ASB3: variants seen among roughly 807,000 people sequenced by gnomAD.
ASB3 encodes ankyrin repeat and SOCS box protein 3.
ASB3 carries 41 observed loss-of-function variants against 54.5 expected under a neutral mutation model. That is an observed-to-expected ratio of 0.75 (90% CI 0.59 to 0.98). The LOEUF is 0.98. Among genes scored for constraint, ASB3 ranks in the 50% least tolerant of loss-of-function variants. The pLI is 0.00. For missense variants in ASB3, 733 were observed against 620.0 expected (o/e 1.18, Z -1.94); for synonymous variants, 266 against 221.2 (o/e 1.20, Z -1.80).
intron 1 of ASB3, among the ~76,000 whole-genome samples, chr2:53,784,039 ATTT>A (rs1023391485): frequency 6.6e-6 from 1 of 152,240 alleles, no homozygotes; most frequent in Non-Finnish European, 1.5e-5. Context: ...AAATGAGTTT[ATTT>A]TAGCAAACAT....
chr2:53,744,001 C>T (rs1452612205), intron 3 of ASB3, among the ~76,000 whole-genome samples: 1 of 151,476 alleles, frequency 6.6e-6, no homozygotes, highest in Admixed American at 6.6e-5. Context: ...AGAGATCGCA[C>T]CACTGCACTC....
chr2:53,735,636 G>GA (rs201636132), intron 3 of ASB3, among the ~76,000 whole-genome samples: 1,630 of 140,560 alleles, frequency 0.012, 24 homozygotes, highest in African/African-American at 0.033. Context: ...TTAATAGTTG[G>GA]AAAAAAAAAA....
At chr2:53,690,579 A>T (rs1011870512) in intron 9 of ASB3, among the ~76,000 whole-genome samples, 3 of 152,080 alleles carry the variant, frequency 2.0e-5, no homozygotes, top group Non-Finnish European at 4.4e-5. Flanking sequence ...TATCTTATGA[A>T]CCCAGTCACC....
intron 9 of ASB3, among the ~76,000 whole-genome samples, chr2:53,678,058 G>T (rs1474846219): frequency 6.6e-6 from 1 of 151,818 alleles, no homozygotes; most frequent in Admixed American, 6.6e-5. Context: ...GTATGCTTAT[G>T]TTGATATACC....
At chr2:53,725,321 C>T (rs377132983) in intron 5 of ASB3, among the ~76,000 whole-genome samples, 1 of 152,130 alleles carries the variant, frequency 6.6e-6, no homozygotes, top group African/African-American at 2.4e-5. Flanking sequence ...GGCTGAAAAG[C>T]GAACTGTTGA....
At chr2:53,726,115 A>C (rs1670977110) in intron 5 of ASB3, among the ~76,000 whole-genome samples, 1 of 152,178 alleles carries the variant, frequency 6.6e-6, no homozygotes, top group Non-Finnish European at 1.5e-5. Flanking sequence ...ATACCTTTTC[A>C]ACTGATTATT....
chr2:53,767,725 G>GA, intron 1 of ASB3: 1 of 806,164 alleles, frequency 1.2e-6, no homozygotes, highest in African/African-American at 1.7e-5. Context: ...GATCCGCTCG[G>GA]AAAATCTTTC....
At chr2:53,758,502 G>A (rs1357144609) in intron 2 of ASB3, among the ~76,000 whole-genome samples, 1 of 152,190 alleles carries the variant, frequency 6.6e-6, no homozygotes, top group Admixed American at 6.5e-5. Context: ...TCTTGATGGG[G>A]CAGCTGGGTT....
chr2:53,727,461 T>C (rs1390393661), intron 5 of ASB3, among the ~76,000 whole-genome samples: 1 of 150,734 alleles, frequency 6.6e-6, no homozygotes, highest in African/African-American at 2.4e-5. Flanking sequence ...TGAGACCACA[T>C]GTCTTAAAAA....
intron 3 of ASB3, among the ~76,000 whole-genome samples, chr2:53,734,356 A>C (rs1379953100): frequency 6.6e-6 from 1 of 152,224 alleles, no homozygotes; most frequent in Non-Finnish European, 1.5e-5. Context: ...AAAACAAACA[A>C]ACAAAATATC....
At position 53,671,353 on chromosome 2, in the gene ASB3, CGTGTGT is replaced by C. The variant is rs142473697; in HGVS notation, c.1370-669_1370-664del. Among the ~76,000 whole-genome samples, 985 of 142,592 alleles carry C rather than the reference CGTGTGT, an allele frequency of 6.9e-3. 9 individuals carry two copies. The highest frequency in any genetic ancestry group is 0.02 in the African/African-American group (779 of 38,542). 93.5% of individuals were successfully genotyped at this position (142,592 alleles called of 152,430 possible). On this transcript the variant is annotated intron_variant, in intron 9 of 9. Coordinates refer to ENST00000263634, the MANE Select transcript of ASB3 (RefSeq NM_016115.5). ...AACTCAGATCTATCTGAACCCAAAGCGTGTGTGTGTGTGTGTGTGTGTGTGTGTGTG... is the reference window on the plus strand; with the variant it reads ...AACTCAGATCTATCTGAACCCAAAGCGTGTGTGTGTGTGTGTGTGTGTGTG...
intron 7 of ASB3, among the ~76,000 whole-genome samples, chr2:53,709,334 G>C (rs1014539596): frequency 6.6e-6 from 1 of 152,212 alleles, no homozygotes; most frequent in Non-Finnish European, 1.5e-5. Context: ...TTAACCCTGT[G>C]GGTGCACAGA....
rs887549255 is a variant in ASB3, at chr2:53,718,761, A to AT, written c.605-2019dup. 5.3e-5 allele frequency among the ~76,000 whole-genome samples: 8 copies of AT among 151,630 alleles called. 1 individual carries two copies. The South Asian group carries it at 1.5e-3, about 28-fold the overall frequency. On this transcript the variant is annotated intron_variant, in intron 5 of 9. Transcript: ENST00000263634. Reference sequence around the variant, plus strand: ...TAAAAGGCACACAGCTGCAATTTGGATTAAAAAAAAAAAAAGAAAGAAAAA... The same window carrying AT: ...TAAAAGGCACACAGCTGCAATTTGGATTTAAAAAAAAAAAAAGAAAGAAAAA...
At chr2:53,748,274 A>C (rs1228490385) in intron 3 of ASB3, 1 of 152,220 alleles carries the variant, frequency 6.6e-6, no homozygotes, top group Admixed American at 6.5e-5. Flanking sequence ...CAAACTTGTA[A>C]AATCACCTTT....
At chr2:53,744,927 T>C (rs541507229) in intron 3 of ASB3, among the ~76,000 whole-genome samples, 18 of 152,322 alleles carry the variant, frequency 1.2e-4, no homozygotes, top group Non-Finnish European at 2.2e-4. Context: ...TCTTATTAAA[T>C]ATTACACAGA....
intron 3 of ASB3, among the ~76,000 whole-genome samples, 199 bp from the exon 4 acceptor site, chr2:53,729,769 A>G (rs1441325373): frequency 6.6e-6 from 1 of 152,222 alleles, no homozygotes; most frequent in Admixed American, 6.5e-5. Flanking sequence ...AATGATTTTC[A>G]ATAGCATGTT....
intron 8 of ASB3, among the ~76,000 whole-genome samples, chr2:53,698,359 C>A (rs548270041): frequency 6.6e-6 from 1 of 152,172 alleles, no homozygotes; most frequent in Non-Finnish European, 1.5e-5. Flanking sequence ...CTAGTCACAA[C>A]GTTGGGTTCC....
At chr2:53,726,362 G>C (rs1176491780) in intron 5 of ASB3, among the ~76,000 whole-genome samples, 1 of 150,316 alleles carries the variant, frequency 6.7e-6, no homozygotes, top group South Asian at 2.1e-4. Flanking sequence ...CTGGGTTTAA[G>C]CAATTCTCCT....
At chr2:53,723,042 A>G (rs1286286990) in intron 5 of ASB3, among the ~76,000 whole-genome samples, 1 of 152,162 alleles carries the variant, frequency 6.6e-6, no homozygotes, top group Non-Finnish European at 1.5e-5. Context: ...CTATACATCA[A>G]CAATGTTCAA....
Sources: gnomAD v4.1 joint callset for allele counts (sites outside exome capture counted in the v4.1 genomes callset) on GRCh38, gnomAD v4.1.1 for gene constraint, MANE v1.5 for transcripts, NCBI Gene and HGNC (gene_info 2026-07-23, HGNC 2026-07-21) for gene names.